The following PALLD variants were observed in gnomAD, a reference collection of about 807,000 sequenced individuals.
The protein encoded by PALLD is palladin.
A neutral mutation model predicts 123.5 loss-of-function variants in PALLD; 61 were observed. The observed-to-expected ratio is 0.49, with a 90% confidence interval of 0.40 to 0.61. The LOEUF is 0.61. PALLD is among the 20% of genes least tolerant of loss of function. The pLI, the probability that PALLD is intolerant of heterozygous loss-of-function variation, is 0.00. For synonymous variants in PALLD, 465 were observed against 496.4 expected, an observed-to-expected ratio of 0.94 and a Z score of 0.84; for missense variants, 1,273 against 1,377.0, an observed-to-expected ratio of 0.92 and a Z score of 1.20.
chr4:168,800,266 A>T (rs1201740520), intron 10 of PALLD, among the ~76,000 whole-genome samples: 3 of 152,184 alleles, frequency 2.0e-5, no homozygotes, highest in African/African-American at 4.8e-5. Flanking sequence ...TAGTTCAAAT[A>T]AAAAAATTCT....
At chr4:168,882,987 G>A (rs1258923266) in intron 10 of PALLD, among the ~76,000 whole-genome samples, 1 of 151,944 alleles carries the variant, frequency 6.6e-6, no homozygotes, top group African/African-American at 2.4e-5. Flanking sequence ...CTACTTGGGA[G>A]GGCTGAGGCA....
At chr4:168,847,994 C>A (rs928679191) in intron 10 of PALLD, among the ~76,000 whole-genome samples, 5 of 152,014 alleles carry the variant, frequency 3.3e-5, no homozygotes, top group South Asian at 2.1e-4. Flanking sequence ...TTTTTACTTC[C>A]CTGTAATAGT....
chr4:168,832,946 GCA>G (rs1744510404), intron 10 of PALLD: 1 of 152,242 alleles, frequency 6.6e-6, no homozygotes, highest in Non-Finnish European at 1.5e-5. Context: ...CTGGCAGCGC[GCA>G]CCGGCCACGC....
chr4:168,599,542 G>A (rs62335509), intron 2 of PALLD, among the ~76,000 whole-genome samples: 12,880 of 152,210 alleles, frequency 0.085, 736 homozygotes, highest in Non-Finnish European at 0.12. Context: ...TGGAAATGCC[G>A]TAAGTGGGAG....
intron 2 of PALLD, among the ~76,000 whole-genome samples, chr4:168,641,926 C>T (rs1434157091): frequency 1.3e-5 from 2 of 152,150 alleles, no homozygotes; most frequent in Non-Finnish European, 2.9e-5. Context: ...CTCCAGGAGG[C>T]GGATAGATGA....
At position 168,927,090 on chromosome 4, in the gene PALLD, A is replaced by C; in HGVS notation, c.*910A>C. 4.5e-6 allele frequency: 1 copy of C among 222,752 alleles called. No individual in the cohort carries two copies. The highest frequency in any genetic ancestry group is 2.2e-5 in the African/African-American group (1 of 44,834). The allele number at this position is 222,752 out of a possible 1,614,324, so 13.8% of individuals were successfully genotyped here. A position where few individuals can be genotyped will look rare whatever the true frequency, so the allele number is the denominator to read the frequency against. Reference sequence around the variant, plus strand: ...TTAAAAGGCTAATTTAAATATAAATAATATAAAGTGCTCTGAATAAAGCAG... The same window carrying C: ...TTAAAAGGCTAATTTAAATATAAATCATATAAAGTGCTCTGAATAAAGCAG... On this transcript the variant is annotated 3_prime_UTR_variant, in exon 22 of 22. Coordinates refer to ENST00000505667, the MANE Select transcript of PALLD (RefSeq NM_001166108.2).
intron 10 of PALLD, among the ~76,000 whole-genome samples, chr4:168,722,432 T>A (rs914656436): frequency 1.3e-5 from 2 of 152,068 alleles, no homozygotes; most frequent in African/African-American, 4.8e-5. Context: ...AACTTTACCC[T>A]CAGAGACAAT....
At position 168,557,339 on chromosome 4, in the gene PALLD, C is replaced by T. The variant is rs770227833; in HGVS notation, c.908+44927C>T. ...GATTACAGGCGTGAGCCACCACTCCCGGCCTCCACTTGTTCGTTCAATATA... is the reference window on the plus strand; with the variant it reads ...GATTACAGGCGTGAGCCACCACTCCTGGCCTCCACTTGTTCGTTCAATATA... On this transcript the variant is annotated intron_variant, in intron 2 of 21. Transcript: ENST00000505667. Among the ~76,000 whole-genome samples the T allele has an allele frequency of 5.9e-5, 9 of 152,290 alleles. No homozygotes were observed. The East Asian group carries it at 9.7e-4, about 16-fold the overall frequency.
At chr4:168,892,300 C>T (rs971848055) in intron 11 of PALLD, among the ~76,000 whole-genome samples, 1 of 152,100 alleles carries the variant, frequency 6.6e-6, no homozygotes, top group Non-Finnish European at 1.5e-5. Flanking sequence ...CTCTTAAGTA[C>T]AAGACAAGGA....
chr4:168,595,047 G>C (rs1771838860), intron 2 of PALLD, among the ~76,000 whole-genome samples: 1 of 152,120 alleles, frequency 6.6e-6, no homozygotes, highest in Non-Finnish European at 1.5e-5. Flanking sequence ...TTTGGGATTT[G>C]TTTTCCCAAA....
chr4:168,739,363 T>G (rs79408486), intron 10 of PALLD, among the ~76,000 whole-genome samples: 3,664 of 152,338 alleles, frequency 0.024, 130 homozygotes, highest in African/African-American at 0.074. Flanking sequence ...ATAGTGGCTA[T>G]ACTAACTTAC....
intron 10 of PALLD, among the ~76,000 whole-genome samples, chr4:168,805,953 CAT>C (rs1740132731): frequency 6.6e-6 from 1 of 152,210 alleles, no homozygotes; most frequent in South Asian, 2.1e-4. Context: ...ACCCAAATCT[CAT>C]ATCAAATTGT....
Position 168,560,029 on chromosome 4 carries a change from A to T in PALLD, c.908+47617A>T, listed in dbSNP as rs531258282. ...ATATGAAATTCAAATAGCATCTTAC[A>T]AATTTCAATGTATATTTCCTAGAAG... On this transcript the variant is annotated intron_variant, in intron 2 of 21. Transcript: ENST00000505667. Among the ~76,000 whole-genome samples the T allele has an allele frequency of 3.9e-5, 6 of 152,332 alleles. 1 individual carries two copies. The South Asian group carries it at 1.2e-3, about 32-fold the overall frequency.
intron 2 of PALLD, among the ~76,000 whole-genome samples, chr4:168,573,958 T>C (rs563749593): frequency 6.6e-6 from 1 of 151,862 alleles, no homozygotes; most frequent in East Asian, 1.9e-4. Flanking sequence ...TTTTGCAAGG[T>C]TTATCCTCAG....
chr4:168,589,491 G>T (rs540018518), intron 2 of PALLD, among the ~76,000 whole-genome samples: 91 of 150,762 alleles, frequency 6.0e-4, no homozygotes, highest in African/African-American at 1.8e-3. Context: ...TTCTATAACC[G>T]TGAAATCTTT....
intron 10 of PALLD, among the ~76,000 whole-genome samples, chr4:168,859,603 AC>A (rs1470035011): frequency 1.3e-5 from 2 of 152,130 alleles, no homozygotes; most frequent in African/African-American, 4.8e-5. Flanking sequence ...TATCACCACT[AC>A]CCCAAATATC....
chr4:168,640,191 C>T (rs957666233), intron 2 of PALLD, among the ~76,000 whole-genome samples: 1 of 152,182 alleles, frequency 6.6e-6, no homozygotes, highest in South Asian at 2.1e-4. Context: ...CCTCATTTGG[C>T]TGGACACTGC....
chr4:168,741,274 T>G (rs767144473), intron 10 of PALLD, among the ~76,000 whole-genome samples: 1 of 152,208 alleles, frequency 6.6e-6, no homozygotes, highest in Non-Finnish European at 1.5e-5. Flanking sequence ...CGCTATAATA[T>G]GAGGTCACTG....
intron 12 of PALLD, among the ~76,000 whole-genome samples, chr4:168,894,965 A>G (rs1754796157): frequency 6.6e-6 from 1 of 152,166 alleles, no homozygotes; most frequent in Non-Finnish European, 1.5e-5. Context: ...GTTTTATGCA[A>G]AATAATTTTG....
Sources: gnomAD v4.1 joint callset for allele counts (sites outside exome capture counted in the v4.1 genomes callset) on GRCh38, gnomAD v4.1.1 for gene constraint, MANE v1.5 for transcripts, NCBI Gene and HGNC (gene_info 2026-07-23, HGNC 2026-07-21) for gene names.